SP100: variants seen among roughly 807,000 people sequenced by gnomAD.
The protein encoded by SP100 is nuclear autoantigen Sp-100.
Under a neutral mutation model 130.0 loss-of-function variants are expected in SP100, and 84 were observed. That is an observed-to-expected ratio of 0.65 (90% CI 0.54 to 0.77). The LOEUF is 0.77. Among genes scored for constraint, SP100 ranks in the 30% least tolerant of loss-of-function variants. The probability of loss-of-function intolerance (pLI) is 0.00; values close to 1 mark genes in which losing one functional copy is unlikely to be tolerated. For synonymous variants in SP100, 331 were observed against 351.7 expected, an observed-to-expected ratio of 0.94 and a Z score of 0.66; for missense variants, 978 against 1,052.2, an observed-to-expected ratio of 0.93 and a Z score of 0.97.
intron 16 of SP100, 21 bp downstream of exon 16, chr2:230,473,461 T>C (rs2065374965): frequency 6.7e-7 from 1 of 1,481,746 alleles, no homozygotes; most frequent in South Asian, 1.1e-5. Context: ...CCTAGGGTCT[T>C]GGGATGGAAG....
intron 17 of SP100, among the ~76,000 whole-genome samples, chr2:230,481,071 G>A (rs748086591): frequency 9.2e-5 from 14 of 151,440 alleles, no homozygotes; most frequent in African/African-American, 1.5e-4. Flanking sequence ...TGGTCCCTTC[G>A]TGGCTTCCTG....
intron 2 of SP100, among the ~76,000 whole-genome samples, chr2:230,419,948 TA>T (rs913430751): frequency 5.9e-5 from 9 of 152,206 alleles, no homozygotes; most frequent in Non-Finnish European, 1.2e-4. Flanking sequence ...TATGATTTTA[TA>T]GGTAGTGTTC....
intron 17 of SP100, 93 bp from the exon 18 acceptor site, chr2:230,494,323 C>T: frequency 5.8e-6 from 6 of 1,040,004 alleles, no homozygotes; most frequent in Non-Finnish European, 8.8e-6. Context: ...AGAAGGAAAA[C>T]AAAATTCAAT....
rs1231110988 is a variant in SP100 at position 230,444,406 on chromosome 2, T to C, written c.439+60T>C. The C allele has an allele frequency of 4.5e-6, 6 of 1,336,600 alleles. No homozygotes were observed. The East Asian group carries it at 1.4e-4, about 31-fold the overall frequency. 82.8% of individuals were successfully genotyped at this position (1,336,600 alleles called of 1,614,324 possible). On this transcript the variant is annotated intron_variant, in intron 4 of 28. Coordinates refer to ENST00000340126, the MANE Select transcript of SP100 (RefSeq NM_001080391.2). ...GGGCCAAGTTTTTTCAATAAGTATA[T>C]ACTGATCTCCTACCATGAGTGACAT...
At chr2:230,433,939 A>T (rs1273988584) in intron 2 of SP100, among the ~76,000 whole-genome samples, 1 of 149,462 alleles carries the variant, frequency 6.7e-6, no homozygotes, top group South Asian at 2.2e-4. Flanking sequence ...GTTATTAAAT[A>T]TACTTACTCA....
intron 21 of SP100, among the ~76,000 whole-genome samples, chr2:230,504,544 A>G (rs1474595215): frequency 6.6e-6 from 1 of 152,224 alleles, no homozygotes; most frequent in Non-Finnish European, 1.5e-5. Flanking sequence ...AGCTTCCAGG[A>G]GTCCTCTCCC....
intron 24 of SP100, among the ~76,000 whole-genome samples, chr2:230,530,262 C>G (rs1293393998): frequency 6.6e-6 from 1 of 152,130 alleles, no homozygotes; most frequent in African/African-American, 2.4e-5. Context: ...ACAGAGGCCT[C>G]AGAAATAACA....
intron 10 of SP100, among the ~76,000 whole-genome samples, chr2:230,462,786 T>C (rs566319378): frequency 6.6e-6 from 1 of 152,376 alleles, no homozygotes; most frequent in African/African-American, 2.4e-5. Context: ...ATAGTAGGAA[T>C]AGGCTAGCCA....
Position 230,503,118 on chromosome 2 carries a change from G to A in SP100, c.1765+8G>A. ...AAAGAAGAAGAAAAAGAGGTAAATAGAAGTGATCGATATGTTTTTCATAAT... is the reference window on the plus strand; with the variant it reads ...AAAGAAGAAGAAAAAGAGGTAAATAAAAGTGATCGATATGTTTTTCATAAT... On this transcript the variant is annotated splice_region_variant and intron_variant, in intron 20 of 28. Transcript: ENST00000340126. 1 of 1,567,932 alleles carries A rather than the reference G, an allele frequency of 6.4e-7. No individual in the cohort carries two copies. Among genetic ancestry groups the A allele is most frequent in the South Asian group, 1.1e-5 (1 of 87,716 alleles).
chr2:230,430,426 G>C (rs142767094), intron 2 of SP100, among the ~76,000 whole-genome samples: 1 of 152,320 alleles, frequency 6.6e-6, no homozygotes, highest in Non-Finnish European at 1.5e-5. Context: ...GTTGCCACTG[G>C]ATTAGTTATT....
chr2:230,458,914 GA>G (rs1389167856), intron 8 of SP100, among the ~76,000 whole-genome samples: 10 of 152,148 alleles, frequency 6.6e-5, no homozygotes. Flanking sequence ...AAGCAGGTAG[GA>G]AATGTAACAG....
At chr2:230,492,890 C>T (rs1293868938) in intron 17 of SP100, among the ~76,000 whole-genome samples, 3 of 152,150 alleles carry the variant, frequency 2.0e-5, no homozygotes, top group African/African-American at 7.2e-5. Context: ...GGTTTTTCTC[C>T]ACTCTCCCAT....
At chr2:230,424,318 A>G (rs540770288) in intron 2 of SP100, among the ~76,000 whole-genome samples, 1 of 152,332 alleles carries the variant, frequency 6.6e-6, no homozygotes, top group South Asian at 2.1e-4. Flanking sequence ...CAACCTGGCC[A>G]GAGCTCACAT....
chr2:230,525,550 T>A (rs556550266), intron 24 of SP100, among the ~76,000 whole-genome samples: 1 of 151,968 alleles, frequency 6.6e-6, no homozygotes, highest in Non-Finnish European at 1.5e-5. Flanking sequence ...GTTCATCTCA[T>A]TGGGACTGGT....
In SP100 at chr2:230,504,170, A is replaced by T; in HGVS notation, c.1766-16A>T. On this transcript the variant is annotated splice_polypyrimidine_tract_variant and intron_variant, in intron 20 of 28. Coordinates refer to ENST00000340126, the MANE Select transcript of SP100 (RefSeq NM_001080391.2). ...GTAAAAGTAGATGGAATGGAAAAAA[A>T]AATGCTTCCTTGCAGGTCCAAGAAT... 2 of 1,486,832 alleles carry T rather than the reference A, an allele frequency of 1.3e-6. No individual in the cohort carries two copies. The highest frequency in any genetic ancestry group is 9.4e-7 in the Non-Finnish European group (1 of 1,066,020). 92.1% of individuals were successfully genotyped at this position (1,486,832 alleles called of 1,614,324 possible).
chr2:230,494,447 T>C lies in SP100; in HGVS notation c.1632T>C (p.Asn544=). 1 of 1,608,424 alleles carries C rather than the reference T, an allele frequency of 6.2e-7. No individual in the cohort carries two copies. The highest frequency in any genetic ancestry group is 8.5e-7 in the Non-Finnish European group (1 of 1,174,902). ...AGAGAAGGCATAGATCTAAAGTAAA[T>C]GGTCTCCAAAGAGGTAAGAAGAAAT... ...RKKRRHRSKV[N]GLQRGRKKDR... The change falls in exon 18 of 29, where the codon AAT becomes AAC. Residue 544 remains asparagine (N), a synonymous_variant. Coordinates refer to ENST00000340126, the MANE Select transcript of SP100 (RefSeq NM_001080391.2).
At chr2:230,416,398 G>C in intron 1 of SP100, 70 bp downstream of exon 1, 3 of 1,349,056 alleles carry the variant, frequency 2.2e-6, no homozygotes, top group Non-Finnish European at 3.2e-6. Flanking sequence ...CTTTAGTTCA[G>C]TTTGTGCCTA....
rs71355944 is a variant in SP100, at chr2:230,506,822, C to T, written c.2013+377C>T. The T allele has an allele frequency of 1.5e-4, 18 of 121,168 alleles. No homozygotes were observed. The South Asian group carries it at 1.7e-3, about 11-fold the overall frequency. 7.5% of individuals were successfully genotyped at this position (121,168 alleles called of 1,614,324 possible). A position where few individuals can be genotyped will look rare whatever the true frequency, so the allele number is the denominator to read the frequency against. On this transcript the variant is annotated intron_variant, in intron 22 of 28. Coordinates refer to ENST00000340126, the MANE Select transcript of SP100 (RefSeq NM_001080391.2). ...ACACACACACACACACACACACACA[C>T]ACATATTTAACATATATATATGTAG...
At position 230,447,021 on chromosome 2, in the gene SP100, T is replaced by C. The variant is rs2063740090; in HGVS notation, c.523+119T>C. ...ACTATGGAGAAGTCAAGGAGAGAGT[T>C]ATATGAGCTTCTAACCAGGTGCAGG... On this transcript the variant is annotated intron_variant, in intron 5 of 28. Coordinates refer to ENST00000340126, the MANE Select transcript of SP100 (RefSeq NM_001080391.2). The C allele has an allele frequency of 1.5e-5, 9 of 619,986 alleles. No homozygotes were observed. The South Asian group carries it at 1.8e-4, about 12-fold the overall frequency. 38.4% of individuals were successfully genotyped at this position (619,986 alleles called of 1,614,324 possible).
Sources: gnomAD v4.1 joint callset for allele counts (sites outside exome capture counted in the v4.1 genomes callset) on GRCh38, gnomAD v4.1.1 for gene constraint, MANE v1.5 for transcripts, NCBI Gene and HGNC (gene_info 2026-07-23, HGNC 2026-07-21) for gene names.